Variants in SORCS1 observed in about 807,000 individuals in gnomAD.
SORCS1 encodes the protein sortilin related VPS10 domain containing receptor 1, also known as VPS10 domain-containing receptor SorCS1.
A neutral mutation model predicts 146.1 loss-of-function variants in SORCS1; 60 were observed. The observed-to-expected ratio is 0.41, with a 90% CI of 0.33 to 0.51. The LOEUF is 0.51. Ranked by LOEUF, SORCS1 falls within the 20% of genes least tolerant of loss-of-function variation. SORCS1 has a pLI of 0.21. For missense variants in SORCS1, 1,352 were observed against 1,487.6 expected, an observed-to-expected ratio of 0.91 and a Z score of 1.50; for synonymous variants, 637 against 584.0, an observed-to-expected ratio of 1.09 and a Z score of -1.31.
intron 1 of SORCS1, among the ~76,000 whole-genome samples, chr10:106,988,889 A>T (rs533225406): frequency 6.6e-6 from 1 of 152,280 alleles, no homozygotes; most frequent in African/African-American, 2.4e-5. Context: ...TCTATAAAAT[A>T]GAATCTTGTA....
intron 1 of SORCS1, among the ~76,000 whole-genome samples, chr10:107,106,296 A>C (rs898386637): frequency 2.0e-5 from 3 of 152,212 alleles, no homozygotes; most frequent in Non-Finnish European, 4.4e-5. Context: ...TAAGTTAATC[A>C]ATTTATCTAC....
chr10:106,625,348 A>T (rs139592705), intron 19 of SORCS1, among the ~76,000 whole-genome samples: 273 of 152,250 alleles, frequency 1.8e-3, no homozygotes, highest in African/African-American at 6.4e-3. Flanking sequence ...TGCAATGTTT[A>T]AAAAAGCTAC....
rs745816617 is a variant in SORCS1, at chr10:107,038,165, A to T, written c.559-81585T>A. On this transcript the variant is annotated intron_variant, in intron 1 of 25. Coordinates refer to ENST00000263054, the MANE Select transcript of SORCS1 (RefSeq NM_052918.5). The stretch of plus-strand genomic sequence containing the variant: ...TCCTCCATGTAGTTATTTACAGCCA[A>T]GTGTCACCAAACAAAGCTATAGAGG... Among the ~76,000 whole-genome samples the T allele has an allele frequency of 5.1e-4, 77 of 152,168 alleles. 1 individual carries two copies. The highest frequency in any genetic ancestry group is 1.8e-4 in the Non-Finnish European group (12 of 68,028).
At chr10:107,126,428 GGTATCTACC>G (rs1966715570) in intron 1 of SORCS1, among the ~76,000 whole-genome samples, 1 of 152,040 alleles carries the variant, frequency 6.6e-6, no homozygotes, top group Non-Finnish European at 1.5e-5. Flanking sequence ...TCGATAGACA[GGTATCTACC>G]TTATTAAAAT....
intron 23 of SORCS1, among the ~76,000 whole-genome samples, chr10:106,598,498 G>T (rs536296435): frequency 1.3e-5 from 2 of 151,974 alleles, no homozygotes; most frequent in African/African-American, 4.8e-5. Context: ...TTGACCTTGT[G>T]ATCAGCCCGC....
intron 1 of SORCS1, among the ~76,000 whole-genome samples, chr10:107,024,198 AAG>A (rs1321503030): frequency 6.6e-6 from 1 of 150,490 alleles, no homozygotes; most frequent in Non-Finnish European, 1.5e-5. Flanking sequence ...AAAAAAGAAG[AAG>A]AGAGGTTTAT....
At chr10:107,125,432 G>A (rs543255065) in intron 1 of SORCS1, among the ~76,000 whole-genome samples, 1 of 152,310 alleles carries the variant, frequency 6.6e-6, no homozygotes, top group East Asian at 1.9e-4. Context: ...CTGCCTGGAT[G>A]TGCTTGATCT....
At chr10:106,802,827 G>T (rs1045429861) in intron 3 of SORCS1, among the ~76,000 whole-genome samples, 8 of 152,120 alleles carry the variant, frequency 5.3e-5, no homozygotes, top group African/African-American at 1.9e-4. Context: ...TAGAGACAGG[G>T]TTTCACCATG....
intron 2 of SORCS1, among the ~76,000 whole-genome samples, chr10:106,941,096 T>C (rs1954020221): frequency 6.6e-6 from 1 of 152,176 alleles, no homozygotes. Context: ...ATAACGATAG[T>C]ACCAATCTCA....
intron 1 of SORCS1, among the ~76,000 whole-genome samples, chr10:107,159,362 C>A (rs1003198542): frequency 2.6e-5 from 4 of 152,048 alleles, no homozygotes; most frequent in African/African-American, 4.8e-5. Context: ...GATTTTAGTC[C>A]ATTAGTGCCA....
Position 106,960,940 on chromosome 10 carries a change from A to G in SORCS1, c.559-4360T>C, listed in dbSNP as rs900240299. Among the ~76,000 whole-genome samples, 1 of 152,146 alleles carries G rather than the reference A, an allele frequency of 6.6e-6. No homozygotes were observed. Among genetic ancestry groups the G allele is most frequent in the Admixed American group, 6.5e-5 (1 of 15,276 alleles). ...TTGCTCAGGCCCTTACAAAGCTCCT[A>G]CTGAATAATTCCATCAACTCTAGCC... On this transcript the variant is annotated intron_variant, in intron 1 of 25. Coordinates refer to ENST00000263054, the MANE Select transcript of SORCS1 (RefSeq NM_052918.5). This position sits in a 1 kb window ranked among gnomAD's most constrained non-coding sequence, Gnocchi z 4.4.
At chr10:107,121,572 A>C (rs1966414345) in intron 1 of SORCS1, among the ~76,000 whole-genome samples, 1 of 152,286 alleles carries the variant, frequency 6.6e-6, no homozygotes. Context: ...TAAATGTAAA[A>C]TGGCTAACTG....
At chr10:107,170,787 G>A in the SORCS1 span, among the ~76,000 whole-genome samples, 1 of 152,200 alleles carries the variant, frequency 6.6e-6, no homozygotes, top group Non-Finnish European at 1.5e-5. Context: ...AGTATGCTAA[G>A]CTCTGGTAGT....
chr10:106,808,307 C>G (rs1447381819), intron 3 of SORCS1, among the ~76,000 whole-genome samples: 1 of 152,298 alleles, frequency 6.6e-6, no homozygotes, highest in African/African-American at 2.4e-5. Flanking sequence ...CGTAAGCCAC[C>G]GCACCTGGCC....
intron 3 of SORCS1, among the ~76,000 whole-genome samples, chr10:106,802,693 T>G (rs1247242177): frequency 6.6e-6 from 1 of 152,128 alleles, no homozygotes; most frequent in African/African-American, 2.4e-5. Context: ...GAGACGGGGT[T>G]TCACCATGTT....
intron 1 of SORCS1, among the ~76,000 whole-genome samples, chr10:107,137,137 A>G (rs549376603): frequency 6.6e-6 from 1 of 152,166 alleles, no homozygotes; most frequent in African/African-American, 2.4e-5. Flanking sequence ...GCCTGCTGAC[A>G]CAGCCATCAT....
intron 24 of SORCS1, among the ~76,000 whole-genome samples, chr10:106,591,584 C>A (rs932989429): frequency 1.3e-5 from 2 of 152,108 alleles, no homozygotes; most frequent in African/African-American, 4.8e-5. Flanking sequence ...ATTTGTTAAG[C>A]ACCTGATATG....
At chr10:106,994,443 A>G (rs1956911056) in intron 1 of SORCS1, among the ~76,000 whole-genome samples, 4 of 152,252 alleles carry the variant, frequency 2.6e-5, no homozygotes, top group Admixed American at 2.6e-4. Context: ...ATTATACCAT[A>G]GAAGTATCAA....
intron 2 of SORCS1, among the ~76,000 whole-genome samples, chr10:106,875,654 T>C (rs1374395291): frequency 2.6e-5 from 4 of 152,172 alleles, no homozygotes; most frequent in African/African-American, 7.2e-5. Flanking sequence ...ATAATGGCCA[T>C]TGTTGCAGGA....
Sources: gnomAD v4.1 joint callset for allele counts (sites outside exome capture counted in the v4.1 genomes callset) on GRCh38, gnomAD v4.1.1 for gene constraint, Gnocchi (gnomAD v3.1) non-coding constraint, MANE v1.5 for transcripts, NCBI Gene and HGNC (gene_info 2026-07-23, HGNC 2026-07-21) for gene names.